Variants in TRPM8 observed in about 807,000 individuals in gnomAD.
The protein encoded by TRPM8 is TRPM8 cationic channel.
In TRPM8, 110 loss-of-function variants were observed where a neutral mutation model predicts 133.7. That is an observed-to-expected ratio of 0.82 (90% CI 0.70 to 0.96). TRPM8 has a LOEUF of 0.96. Among genes scored for constraint, TRPM8 ranks in the 40% least tolerant of loss-of-function variants. TRPM8 has a pLI of 0.00. For synonymous variants in TRPM8, 535 were observed against 532.3 expected (o/e 1.01, Z -0.07); for missense variants, 1,291 against 1,379.5 (o/e 0.94, Z 1.02).
chr2:233,970,402 C>T lies in TRPM8; in HGVS notation c.2331C>T (p.Val777=), dbSNP rs1172131676. ...TGGTCCTGTACTCGCTGGTCTTTGTCCTCTTCTGTGATGAAGTGAGACAGG... is the reference window on the plus strand; with the variant it reads ...TGGTCCTGTACTCGCTGGTCTTTGTTCTCTTCTGTGATGAAGTGAGACAGG... ...PELVLYSLVF[V]LFCDEVRQWY... Residue 777 remains valine, a synonymous_variant, in exon 17 of 26, where the codon GTC becomes GTT. Transcript: ENST00000324695. 6.2e-7 allele frequency: 1 copy of T among 1,613,964 alleles called. No individual in the cohort carries two copies. The highest frequency in any genetic ancestry group is 8.5e-7 in the Non-Finnish European group (1 of 1,180,024).
At chr2:233,921,405 T>C (rs987996254) in intron 1 of TRPM8, among the ~76,000 whole-genome samples, 1 of 152,164 alleles carries the variant, frequency 6.6e-6, no homozygotes, top group African/African-American at 2.4e-5. Flanking sequence ...AGTTAGTTTA[T>C]GGATGCCTTG....
chr2:233,924,268 G>A (rs948349397), intron 1 of TRPM8, among the ~76,000 whole-genome samples: 9 of 152,146 alleles, frequency 5.9e-5, no homozygotes, highest in African/African-American at 9.7e-5. Flanking sequence ...TGGATCTGGC[G>A]GTGTGATTTT....
At chr2:233,968,892 C>T (rs1364491139) in intron 15 of TRPM8, among the ~76,000 whole-genome samples, 5 of 152,026 alleles carry the variant, frequency 3.3e-5, no homozygotes. Context: ...TGCATTTCAG[C>T]CTGAATTGAT....
At chr2:233,963,039 C>A (rs1246280453) in intron 12 of TRPM8, among the ~76,000 whole-genome samples, 8 of 152,136 alleles carry the variant, frequency 5.3e-5, no homozygotes, top group African/African-American at 1.9e-4. Context: ...GCTCTCAAGG[C>A]TTTTTTCACC....
At chr2:233,998,028 G>A (rs576538371) in intron 22 of TRPM8, among the ~76,000 whole-genome samples, 32 of 152,256 alleles carry the variant, frequency 2.1e-4, no homozygotes, top group African/African-American at 7.7e-4. Flanking sequence ...AGCATGCAGG[G>A]AGGAAGGGGC....
intron 3 of TRPM8, 42 bp from the exon 4 acceptor site, chr2:233,937,311 A>G (rs1299310369): frequency 6.2e-7 from 1 of 1,607,742 alleles, no homozygotes; most frequent in African/African-American, 1.3e-5. Context: ...AAGCAGGCTC[A>G]ATGAAATCCT....
At chr2:233,988,095 G>A (rs919601339) in intron 21 of TRPM8, among the ~76,000 whole-genome samples, 9 of 151,810 alleles carry the variant, frequency 5.9e-5, no homozygotes, top group African/African-American at 1.9e-4. Context: ...TTTCCCTACA[G>A]CATTCAGGAT....
intron 15 of TRPM8, among the ~76,000 whole-genome samples, chr2:233,968,763 C>T (rs373285485): frequency 1.3e-5 from 2 of 152,020 alleles, no homozygotes; most frequent in Middle Eastern, 3.4e-3. Context: ...TTGATGTGGT[C>T]GAGTCTATGC....
intron 22 of TRPM8, among the ~76,000 whole-genome samples, chr2:234,006,434 C>G (rs928180303): frequency 6.6e-6 from 1 of 152,152 alleles, no homozygotes; most frequent in Non-Finnish European, 1.5e-5. Flanking sequence ...AGCTCCTACC[C>G]CAGTTTTAGG....
chr2:233,934,545 C>A (rs1214743889), intron 3 of TRPM8, among the ~76,000 whole-genome samples: 2 of 152,166 alleles, frequency 1.3e-5, no homozygotes, highest in South Asian at 2.1e-4. Context: ...CACGTCAATG[C>A]ACCATCTCTA....
chr2:233,934,003 A>G (rs1468234075), intron 3 of TRPM8: 1 of 167,126 alleles, frequency 6.0e-6, no homozygotes, highest in Non-Finnish European at 1.5e-5. Context: ...CTCTAGCTCA[A>G]TCGTTATAGC....
chr2:233,973,685 G>A (rs762066488), intron 17 of TRPM8, among the ~76,000 whole-genome samples: 31 of 152,188 alleles, frequency 2.0e-4, no homozygotes, highest in Admixed American at 7.2e-4. Context: ...CACCTAAAAC[G>A]AGTCTCTTTC....
chr2:233,932,053 G>A (rs1367655565), intron 3 of TRPM8, among the ~76,000 whole-genome samples: 1 of 152,176 alleles, frequency 6.6e-6, no homozygotes, highest in African/African-American at 2.4e-5. Context: ...TTCTAAGAAT[G>A]GCGTTGCTTT....
At chr2:234,010,027 G>A (rs772808764) in intron 24 of TRPM8, among the ~76,000 whole-genome samples, 6 of 152,148 alleles carry the variant, frequency 3.9e-5, no homozygotes, top group Middle Eastern at 3.4e-3. Context: ...GGCAAATTTC[G>A]TGGGTACAAT....
At chr2:233,976,055 G>A (rs1038301454) in intron 17 of TRPM8, among the ~76,000 whole-genome samples, 1 of 152,184 alleles carries the variant, frequency 6.6e-6, no homozygotes, top group Non-Finnish European at 1.5e-5. Context: ...TTTCATTCAT[G>A]CATTCTTCCT....
chr2:233,995,692 A>G (rs1282647960), intron 21 of TRPM8, among the ~76,000 whole-genome samples: 1 of 150,836 alleles, frequency 6.6e-6, no homozygotes, highest in Non-Finnish European at 1.5e-5. Context: ...TGTGTGACAC[A>G]TTTTCTTAGT....
chr2:233,967,665 C>T (rs1309673193), intron 15 of TRPM8, among the ~76,000 whole-genome samples: 1 of 152,232 alleles, frequency 6.6e-6, no homozygotes, highest in Non-Finnish European at 1.5e-5. Context: ...AACCCATTTA[C>T]TACTGCAACT....
intron 25 of TRPM8, among the ~76,000 whole-genome samples, chr2:234,015,895 C>G (rs992244417): frequency 2.6e-5 from 4 of 152,200 alleles, no homozygotes; most frequent in Admixed American, 1.3e-4. Context: ...AGTTTATCTG[C>G]TGAAATATAG....
chr2:233,931,168 T>C (rs1691672619), intron 3 of TRPM8, among the ~76,000 whole-genome samples: 1 of 152,218 alleles, frequency 6.6e-6, no homozygotes. Context: ...AGTGTTCATC[T>C]GCTCTAAGTC....
Sources: allele counts gnomAD v4.1 joint callset (sites outside exome capture counted in the v4.1 genomes callset), GRCh38; gene constraint gnomAD v4.1.1; transcripts MANE v1.5; gene names NCBI Gene and HGNC (gene_info 2026-07-23, HGNC 2026-07-21).